The following LRRTM4 variants were observed in gnomAD, a reference collection of about 807,000 sequenced individuals.
LRRTM4 encodes leucine-rich repeat transmembrane neuronal protein 4.
Under a neutral mutation model 47.6 loss-of-function variants are expected in LRRTM4, and 25 were observed. That is an observed-to-expected ratio of 0.53 (90% CI 0.38 to 0.73). LRRTM4 has a LOEUF of 0.73. LRRTM4 is among the 30% of genes least tolerant of loss of function. The pLI is 0.00. For missense variants in LRRTM4, 638 were observed against 713.4 expected (o/e 0.89, Z 1.20); for synonymous variants, 311 against 269.5 (o/e 1.15, Z -1.51).
At chr2:76,758,817 A>G (rs1467831130) in intron 3 of LRRTM4, among the ~76,000 whole-genome samples, 2 of 152,170 alleles carry the variant, frequency 1.3e-5, no homozygotes, top group Non-Finnish European at 2.9e-5. Context: ...AACGTTTTCT[A>G]TAAAGGGTCA....
At position 77,464,180 on chromosome 2, in the gene LRRTM4, C is replaced by A. The variant is rs115060038; in HGVS notation, c.1551+54138G>T. On this transcript the variant is annotated intron_variant, in intron 3 of 3. Coordinates refer to ENST00000409884, the MANE Select transcript of LRRTM4 (RefSeq NM_001134745.3). Reference sequence around the variant, plus strand: ...ACCTAGGAAGGGAAGAGAGCACATGCCAGTTATAGTTATCACAAGAGGTAA... The same window carrying A: ...ACCTAGGAAGGGAAGAGAGCACATGACAGTTATAGTTATCACAAGAGGTAA... Among the ~76,000 whole-genome samples, 1,261 of 152,056 alleles carry A rather than the reference C, an allele frequency of 8.3e-3. 14 individuals carry two copies. The highest frequency in any genetic ancestry group is 0.027 in the African/African-American group (1,123 of 41,494).
chr2:77,225,244 A>G (rs113659896), intron 3 of LRRTM4, among the ~76,000 whole-genome samples: 229 of 150,506 alleles, frequency 1.5e-3, no homozygotes, highest in African/African-American at 5.6e-3. Flanking sequence ...GGATAGCATT[A>G]GGAGATATAC....
chr2:76,823,364 T>C (rs1022380418), intron 3 of LRRTM4, among the ~76,000 whole-genome samples: 1 of 151,474 alleles, frequency 6.6e-6, no homozygotes, highest in Non-Finnish European at 1.5e-5. Context: ...GTAGAAATCA[T>C]GAACACATAC....
chr2:77,021,778 G>A (rs999167292), intron 3 of LRRTM4, among the ~76,000 whole-genome samples: 1 of 152,116 alleles, frequency 6.6e-6, no homozygotes, highest in African/African-American at 2.4e-5. Context: ...TTTAGCAATA[G>A]ATAATGCAAT....
chr2:77,159,787 CT>C (rs943960762), intron 3 of LRRTM4, among the ~76,000 whole-genome samples: 13 of 147,094 alleles, frequency 8.8e-5, no homozygotes, highest in African/African-American at 3.5e-4. Flanking sequence ...TTCTGTATGA[CT>C]TTTTTGCTTT....
intron 3 of LRRTM4, among the ~76,000 whole-genome samples, chr2:77,026,547 A>C (rs1678460188): frequency 6.6e-6 from 1 of 152,082 alleles, no homozygotes; most frequent in Admixed American, 6.5e-5. Flanking sequence ...AAGTAATAGT[A>C]AGTGAATAGC....
At chr2:77,418,676 T>G (rs1032864871) in intron 3 of LRRTM4, among the ~76,000 whole-genome samples, 2 of 152,220 alleles carry the variant, frequency 1.3e-5, no homozygotes, top group Admixed American at 6.5e-5. Flanking sequence ...ACTCCCTTGC[T>G]GTTACCAGAC....
chr2:77,377,104 A>G (rs188606482), intron 3 of LRRTM4, among the ~76,000 whole-genome samples: 4 of 151,946 alleles, frequency 2.6e-5, no homozygotes, highest in Admixed American at 2.6e-4. Context: ...GTGAAAGTCA[A>G]TTTACGTTGC....
chr2:77,093,879 C>T (rs972363054), intron 3 of LRRTM4, among the ~76,000 whole-genome samples: 1 of 151,874 alleles, frequency 6.6e-6, no homozygotes, highest in Non-Finnish European at 1.5e-5. Flanking sequence ...CCTGGCTCAT[C>T]CTGGCTCAAA....
At chr2:76,792,998 T>TGATTCTTTTCTACTAC (rs1675058463) in intron 3 of LRRTM4, among the ~76,000 whole-genome samples, 1 of 152,202 alleles carries the variant, frequency 6.6e-6, no homozygotes, top group African/African-American at 2.4e-5. Context: ...AAGTCTTCAC[T>TGATTCTTTTCTACTAC]GATTCTTTTC....
intron 3 of LRRTM4, among the ~76,000 whole-genome samples, chr2:77,414,053 T>G (rs1286846996): frequency 1.3e-5 from 2 of 152,192 alleles, no homozygotes; most frequent in Non-Finnish European, 2.9e-5. Flanking sequence ...ACAAGGCACT[T>G]GAGGTTATAC....
intron 3 of LRRTM4, among the ~76,000 whole-genome samples, chr2:77,500,981 T>C (rs1321377420): frequency 6.6e-6 from 1 of 151,402 alleles, no homozygotes; most frequent in Non-Finnish European, 1.5e-5. Flanking sequence ...AAATATTCAT[T>C]CATAAAAGTA....
chr2:76,993,532 A>T (rs1053043199), intron 3 of LRRTM4, among the ~76,000 whole-genome samples: 1 of 152,042 alleles, frequency 6.6e-6, no homozygotes, highest in Non-Finnish European at 1.5e-5. Context: ...TAATCGGAGA[A>T]ATGTGAATCA....
chr2:77,023,296 T>TG (rs962364561), intron 3 of LRRTM4, among the ~76,000 whole-genome samples: 1 of 152,192 alleles, frequency 6.6e-6, no homozygotes, highest in Non-Finnish European at 1.5e-5. Flanking sequence ...CCTAGATCTC[T>TG]GGGTCTGTGA....
intron 3 of LRRTM4, among the ~76,000 whole-genome samples, chr2:77,046,151 T>G (rs1411859082): frequency 6.6e-6 from 1 of 151,994 alleles, no homozygotes; most frequent in Non-Finnish European, 1.5e-5. Context: ...TTGGTTTGAT[T>G]GCAGTTCAAC....
intron 3 of LRRTM4, among the ~76,000 whole-genome samples, chr2:77,045,860 A>C (rs1165047506): frequency 6.6e-6 from 1 of 151,894 alleles, no homozygotes; most frequent in African/African-American, 2.4e-5. Context: ...TCCAGCCCAT[A>C]ATCAAATTTT....
chr2:76,794,627 C>T (rs1049151033), intron 3 of LRRTM4, among the ~76,000 whole-genome samples: 1 of 152,138 alleles, frequency 6.6e-6, no homozygotes, highest in Non-Finnish European at 1.5e-5. Flanking sequence ...ATAATTTTAT[C>T]TGTTTTCCTA....
chr2:76,997,975 C>T (rs1185867270), intron 3 of LRRTM4, among the ~76,000 whole-genome samples: 1 of 151,914 alleles, frequency 6.6e-6, no homozygotes, highest in East Asian at 1.9e-4. Flanking sequence ...CTCCCATCAC[C>T]CCAAGATGGG....
At chr2:76,775,576 G>A (rs1234879486) in intron 3 of LRRTM4, among the ~76,000 whole-genome samples, 1 of 152,022 alleles carries the variant, frequency 6.6e-6, no homozygotes, top group Non-Finnish European at 1.5e-5. Flanking sequence ...AGACCTTCCT[G>A]TTTTACAAGC....
Sources: allele counts gnomAD v4.1 joint callset (sites outside exome capture counted in the v4.1 genomes callset), GRCh38; gene constraint gnomAD v4.1.1; transcripts MANE v1.5; gene names NCBI Gene and HGNC (gene_info 2026-07-23, HGNC 2026-07-21).